RGS3: variants seen among roughly 807,000 people sequenced by gnomAD.
The protein encoded by RGS3 is regulator of G protein signaling 3.
A neutral mutation model predicts 132.6 loss-of-function variants in RGS3; 80 were observed. The observed-to-expected ratio is 0.60, with a 90% CI of 0.50 to 0.73. The LOEUF (loss-of-function observed/expected upper bound fraction) is 0.73. Among genes scored for constraint, RGS3 ranks in the 30% least tolerant of loss-of-function variants. The pLI, the probability that RGS3 is intolerant of heterozygous loss-of-function variation, is 0.00. For missense variants in RGS3, 1,382 were observed against 1,530.8 expected (o/e 0.90, Z 1.62); for synonymous variants, 598 against 620.6 (o/e 0.96, Z 0.54).
chr9:113,562,989 G>T (rs1047654111), intron 19 of RGS3, among the ~76,000 whole-genome samples: 1 of 152,216 alleles, frequency 6.6e-6, no homozygotes, highest in Non-Finnish European at 1.5e-5. Context: ...CAGCCCTGTT[G>T]ATTTGTGTCT....
chr9:113,456,865 A>T (rs1166150856), upstream of RGS3, among the ~76,000 whole-genome samples: 1 of 152,094 alleles, frequency 6.6e-6, no homozygotes. Context: ...CAATGCGATG[A>T]TCTCAGCTCA....
chr9:113,487,391 G>A (rs544004600), intron 7 of RGS3, among the ~76,000 whole-genome samples: 2 of 152,268 alleles, frequency 1.3e-5, no homozygotes, highest in South Asian at 4.1e-4. Flanking sequence ...GATTACAGGC[G>A]TGAGCCACCG....
At chr9:113,479,565 C>T (rs753475938) in intron 4 of RGS3, 24 bp downstream of exon 2, 2 of 1,613,592 alleles carry the variant, frequency 1.2e-6, no homozygotes, top group Non-Finnish European at 1.7e-6. Flanking sequence ...TGTGCAGGCT[C>T]ACCAAGGAAG....
intron 7 of RGS3, among the ~76,000 whole-genome samples, chr9:113,494,029 T>C (rs1355399949): frequency 1.3e-5 from 2 of 152,114 alleles, no homozygotes; most frequent in African/African-American, 4.8e-5. Context: ...AGGGTTATGC[T>C]CCAGCCTAAA....
chr9:113,558,033 A>C (rs573208071), intron 19 of RGS3, among the ~76,000 whole-genome samples: 19 of 152,330 alleles, frequency 1.2e-4, no homozygotes, highest in African/African-American at 4.3e-4. Flanking sequence ...GTCGAGAGGC[A>C]GGGAGCAGTG....
intron 19 of RGS3, chr9:113,541,870 T>C: frequency 1.0e-6 from 1 of 986,660 alleles, no homozygotes; most frequent in Non-Finnish European, 1.2e-6. Context: ...GGCTCATTCA[T>C]TCGATGGATA....
At chr9:113,526,257 T>C (rs7855434) in intron 17 of RGS3, among the ~76,000 whole-genome samples, 27,901 of 152,180 alleles carry the variant, frequency 0.18, 2,664 homozygotes, top group African/African-American at 0.21. Flanking sequence ...AGTCAGTTGC[T>C]TTGGTCTCAG....
At chr9:113,559,329 C>T (rs970554782) in intron 19 of RGS3, among the ~76,000 whole-genome samples, 2 of 152,214 alleles carry the variant, frequency 1.3e-5, no homozygotes, top group African/African-American at 4.8e-5. Flanking sequence ...GGACCGGAGC[C>T]AGGAAGGGAG....
chr9:113,561,778 G>A (rs1833801677), intron 19 of RGS3, among the ~76,000 whole-genome samples: 2 of 152,144 alleles, frequency 1.3e-5, no homozygotes, highest in South Asian at 2.1e-4. Flanking sequence ...GGAAGACAGC[G>A]GAAATCTCAC....
At chr9:113,493,736 C>T (rs1271661123) in intron 7 of RGS3, among the ~76,000 whole-genome samples, 1 of 152,156 alleles carries the variant, frequency 6.6e-6, no homozygotes, top group African/African-American at 2.4e-5. Flanking sequence ...TCCAGGCTCC[C>T]ATGCTCGAAC....
At chr9:113,562,434 G>A (rs1819795943) in intron 19 of RGS3, among the ~76,000 whole-genome samples, 1 of 144,818 alleles carries the variant, frequency 6.9e-6, no homozygotes, top group African/African-American at 2.6e-5. Context: ...CCAAGATCGT[G>A]CCACTGCACT....
chr9:113,476,855 G>C (rs1830008794), intron 3 of RGS3, among the ~76,000 whole-genome samples: 1 of 152,220 alleles, frequency 6.6e-6, no homozygotes, highest in Admixed American at 6.5e-5. Flanking sequence ...CTGTTAGTTA[G>C]GTGATAGGTG....
chr9:113,471,831 G>A (rs1373848185), intron 3 of RGS3, among the ~76,000 whole-genome samples: 2 of 152,180 alleles, frequency 1.3e-5, no homozygotes, highest in South Asian at 4.2e-4. Flanking sequence ...GTTTCTCATC[G>A]CATGGACCTC....
exon 20 of RGS3, chr9:113,583,528 C>T (rs200165625): frequency 1.2e-6 from 2 of 1,614,224 alleles, no homozygotes; most frequent in Admixed American, 1.7e-5. Flanking sequence ...GGATTCCCCA[C>T]CCAGCAAGGA....
chr9:113,585,333 G>A (rs1263536946), intron 20 of RGS3, among the ~76,000 whole-genome samples: 1 of 152,224 alleles, frequency 6.6e-6, no homozygotes, highest in Non-Finnish European at 1.5e-5. Flanking sequence ...GGGGTTAATA[G>A]CACTCACATC....
chr9:113,520,292 GC>G (rs1190500558), intron 16 of RGS3, among the ~76,000 whole-genome samples: 2 of 152,230 alleles, frequency 1.3e-5, no homozygotes, highest in Admixed American at 6.5e-5. Context: ...GAGTCCACAT[GC>G]CCTCCCCGGC....
At chr9:113,594,136 A>G (rs936722594) in intron 21 of RGS3, 1 of 1,613,018 alleles carries the variant, frequency 6.2e-7, no homozygotes, top group Non-Finnish European at 8.5e-7. Context: ...TCCAGTCATC[A>G]GGCCAGGATT....
chr9:113,454,586 C>A (rs536754329), intron 1 of RGS3, among the ~76,000 whole-genome samples: 1 of 151,116 alleles, frequency 6.6e-6, no homozygotes, highest in Non-Finnish European at 1.5e-5. Flanking sequence ...CCATCCTGGG[C>A]GACAGAGCGA....
exon 25 of RGS3, chr9:113,597,058 CT>C: frequency 9.9e-7 from 1 of 1,008,636 alleles, no homozygotes; most frequent in Admixed American, 2.5e-5. Context: ...CCCCCAGAGG[CT>C]GTGTCTCTGG....
Sources: gnomAD v4.1 joint callset for allele counts (sites outside exome capture counted in the v4.1 genomes callset) on GRCh38, gnomAD v4.1.1 for gene constraint, MANE v1.5 for transcripts, NCBI Gene and HGNC (gene_info 2026-07-23, HGNC 2026-07-21) for gene names.